The following FAM227B variants were observed in gnomAD, a reference collection of about 807,000 sequenced individuals.
FAM227B encodes the protein family with sequence similarity 227 member B.
In FAM227B, 88 loss-of-function variants were observed where a neutral mutation model predicts 73.8. The ratio of observed to expected loss-of-function variants is 1.19; its 90% CI spans 1.00 to 1.42. The LOEUF is 1.42. Ranked by LOEUF, FAM227B falls within the 40% of genes most tolerant of loss-of-function variation. The pLI is 0.00. For missense variants in FAM227B, 632 were observed against 590.9 expected, an observed-to-expected ratio of 1.07 and a Z score of -0.72; for synonymous variants, 210 against 190.5, an observed-to-expected ratio of 1.10 and a Z score of -0.84.
intron 13 of FAM227B, among the ~76,000 whole-genome samples, chr15:49,360,579 G>C (rs1368052660): frequency 6.6e-6 from 1 of 151,306 alleles, no homozygotes; most frequent in Non-Finnish European, 1.5e-5. Flanking sequence ...CATAGACAAA[G>C]TATGAAGGGA....
chr15:49,387,137 A>G (rs545360797), intron 11 of FAM227B, among the ~76,000 whole-genome samples: 2 of 152,054 alleles, frequency 1.3e-5, no homozygotes, highest in South Asian at 4.1e-4. Context: ...TCCCTAAATC[A>G]TTCTATGAAG....
chr15:49,420,276 G>A (rs2049509005), intron 11 of FAM227B, among the ~76,000 whole-genome samples: 1 of 152,002 alleles, frequency 6.6e-6, no homozygotes, highest in Non-Finnish European at 1.5e-5. Context: ...AAAATTAAAT[G>A]TTCCTCAATA....
intron 11 of FAM227B, among the ~76,000 whole-genome samples, chr15:49,439,174 G>C (rs1462220475): frequency 1.3e-5 from 2 of 151,492 alleles, no homozygotes; most frequent in Non-Finnish European, 1.5e-5. Context: ...TCAGGCTGTT[G>C]GCCGGCAACT....
At chr15:49,569,142 A>G (rs536992142) in intron 8 of FAM227B, among the ~76,000 whole-genome samples, 1 of 152,014 alleles carries the variant, frequency 6.6e-6, no homozygotes, top group African/African-American at 2.4e-5. Context: ...TTTCAACTAC[A>G]TTATTCCAAT....
rs376278457 is a variant in FAM227B at position 49,420,555 on chromosome 15, G to A, written c.1013-49156C>T. The stretch of plus-strand genomic sequence containing the variant: ...AGCGAAACTCTGAAAAGATACACAA[G>A]AAACTAATAAAAAGAATTATCTATG... On this transcript the variant is annotated intron_variant, in intron 11 of 15. Transcript: ENST00000299338. Among the ~76,000 whole-genome samples the A allele has an allele frequency of 2.6e-5, 4 of 152,102 alleles. No individual in the cohort carries two copies. The East Asian group carries it at 5.8e-4, about 22-fold the overall frequency.
chr15:49,592,516 T>G (rs1230308890), intron 3 of FAM227B, among the ~76,000 whole-genome samples: 1 of 152,234 alleles, frequency 6.6e-6, no homozygotes, highest in African/African-American at 2.4e-5. Flanking sequence ...ACAGCAAATA[T>G]TGAAGAACAG....
chr15:49,442,892 T>C (rs933384879), intron 11 of FAM227B, among the ~76,000 whole-genome samples: 17 of 151,844 alleles, frequency 1.1e-4, no homozygotes, highest in African/African-American at 4.1e-4. Flanking sequence ...CCACTAATGA[T>C]TAGGTTGATT....
intron 11 of FAM227B, among the ~76,000 whole-genome samples, chr15:49,398,514 GA>G (rs1374529649): frequency 3.1e-5 from 4 of 127,126 alleles, no homozygotes; most frequent in African/African-American, 1.2e-4. Flanking sequence ...GATATCTACA[GA>G]ACTCTCCACC....
At chr15:49,377,782 G>A (rs2151505204) in intron 11 of FAM227B, among the ~76,000 whole-genome samples, 1 of 152,162 alleles carries the variant, frequency 6.6e-6, no homozygotes, top group South Asian at 2.1e-4. Context: ...TAAGTAGTTT[G>A]CAAATATTTT....
chr15:49,604,494 G>A (rs779839932), intron 3 of FAM227B, among the ~76,000 whole-genome samples: 20 of 151,940 alleles, frequency 1.3e-4, no homozygotes, highest in Non-Finnish European at 2.2e-4. Context: ...TTTGACTTTT[G>A]AGAATTTCAT....
chr15:49,550,049 C>T (rs1435383966), intron 9 of FAM227B, among the ~76,000 whole-genome samples: 29 of 136,668 alleles, frequency 2.1e-4, no homozygotes, highest in Admixed American at 1.8e-3. Context: ...GGCGGCTGGC[C>T]GGGCTGGGGG....
intron 10 of FAM227B, among the ~76,000 whole-genome samples, chr15:49,540,275 C>A (rs555820101): frequency 6.6e-6 from 1 of 152,152 alleles, no homozygotes; most frequent in African/African-American, 2.4e-5. Flanking sequence ...CTTTGCAGAG[C>A]AGGCCACTGG....
At chr15:49,544,728 T>C (rs945477125) in intron 9 of FAM227B, among the ~76,000 whole-genome samples, 2 of 152,200 alleles carry the variant, frequency 1.3e-5, no homozygotes, top group African/African-American at 4.8e-5. Context: ...ATGCTGGATT[T>C]TGTCAAATAA....
chr15:49,561,501 A>G (rs2074253180), intron 9 of FAM227B, among the ~76,000 whole-genome samples: 1 of 152,152 alleles, frequency 6.6e-6, no homozygotes, highest in African/African-American at 2.4e-5. Context: ...TAAATTCAAC[A>G]CTTGATCAGT....
At chr15:49,426,910 TTAAG>T (rs1321748355) in intron 11 of FAM227B, among the ~76,000 whole-genome samples, 1 of 151,998 alleles carries the variant, frequency 6.6e-6, no homozygotes, top group Non-Finnish European at 1.5e-5. Flanking sequence ...TCAGAATCCT[TTAAG>T]TAAACCCTAA....
At chr15:49,597,683 T>C (rs998789738) in intron 3 of FAM227B, among the ~76,000 whole-genome samples, 3 of 151,906 alleles carry the variant, frequency 2.0e-5, no homozygotes, top group African/African-American at 4.8e-5. Flanking sequence ...AAAAAGCTTG[T>C]TAAATTATTT....
At chr15:49,449,533 A>T (rs2052530162) in intron 11 of FAM227B, among the ~76,000 whole-genome samples, 2 of 152,012 alleles carry the variant, frequency 1.3e-5, no homozygotes, top group African/African-American at 4.8e-5. Context: ...TCCAAATTGC[A>T]CAGGGTGGGG....
intron 13 of FAM227B, among the ~76,000 whole-genome samples, chr15:49,335,928 C>G (rs956337476): frequency 6.6e-6 from 1 of 152,172 alleles, no homozygotes. Flanking sequence ...TCATAGTTCA[C>G]TGTGACCTCA....
At position 49,586,522 on chromosome 15, in the gene FAM227B, A is replaced by G. The variant is rs910963363; in HGVS notation, c.405+1494T>C. Among the ~76,000 whole-genome samples, 8 of 152,342 alleles carry G rather than the reference A, an allele frequency of 5.3e-5. No individual in the cohort carries two copies. In the South Asian group the frequency reaches 1.4e-3, roughly 28 times the overall value. On this transcript the variant is annotated intron_variant, in intron 5 of 15. Coordinates refer to ENST00000299338, the MANE Select transcript of FAM227B (RefSeq NM_152647.3). ...AAATGGCAAATGCAATTGCAACAAA[A>G]GCAAAAAATGACAAATAGGATCCAA...
Sources: gnomAD v4.1 joint callset for allele counts (sites outside exome capture counted in the v4.1 genomes callset) on GRCh38, gnomAD v4.1.1 for gene constraint, MANE v1.5 for transcripts, NCBI Gene and HGNC (gene_info 2026-07-23, HGNC 2026-07-21) for gene names.